Variants in ABTB3 observed in about 807,000 individuals in gnomAD.
ABTB3 encodes the protein ankyrin repeat and BTB domain containing 3, also known as ankyrin repeat- and BTB/POZ domain-containing protein 3.
At chr12:107,324,468 A>T in the ABTB3 span, among the ~76,000 whole-genome samples, 3 of 152,200 alleles carry the variant, frequency 2.0e-5, no homozygotes, top group South Asian at 2.1e-4. Context: ...AGCTCTACAA[A>T]AAATAAATAA....
the ABTB3 span, among the ~76,000 whole-genome samples, chr12:107,481,172 C>A: frequency 2.6e-5 from 4 of 152,248 alleles, no homozygotes; most frequent in South Asian, 6.2e-4. Flanking sequence ...AGAAACCCTG[C>A]TTTGGAGGAA....
At chr12:107,617,109 C>T in the ABTB3 span, 2 of 1,614,068 alleles carry the variant, frequency 1.2e-6, no homozygotes, top group East Asian at 2.2e-5. Context: ...ATGCTGGGGC[C>T]AAGGTGGAAG....
At chr12:107,343,173 C>T in the ABTB3 span, among the ~76,000 whole-genome samples, 1 of 152,194 alleles carries the variant, frequency 6.6e-6, no homozygotes, top group East Asian at 1.9e-4. Context: ...CACCACCACA[C>T]CTGGCTGTTT....
chr12:107,362,698 T>A, the ABTB3 span, among the ~76,000 whole-genome samples: 1 of 151,504 alleles, frequency 6.6e-6, no homozygotes, highest in Non-Finnish European at 1.5e-5. Context: ...GAGTCTGAGG[T>A]GGGAGGATTG....
At chr12:107,334,540 T>A in the ABTB3 span, among the ~76,000 whole-genome samples, 1 of 152,146 alleles carries the variant, frequency 6.6e-6, no homozygotes, top group Non-Finnish European at 1.5e-5. Flanking sequence ...GACTCCAGCT[T>A]GGGACATGCA....
the ABTB3 span, among the ~76,000 whole-genome samples, chr12:107,389,677 G>A: frequency 2.0e-5 from 3 of 151,906 alleles, no homozygotes; most frequent in Admixed American, 2.0e-4. Flanking sequence ...TGTTGACTGA[G>A]CTCAGCTGGA....
the ABTB3 span, among the ~76,000 whole-genome samples, chr12:107,571,518 G>A: frequency 6.6e-6 from 1 of 152,250 alleles, no homozygotes; most frequent in Non-Finnish European, 1.5e-5. Flanking sequence ...CCCTGACCAG[G>A]CCCGTCCCTG....
chr12:107,347,258 G>C, the ABTB3 span, among the ~76,000 whole-genome samples: 1 of 152,022 alleles, frequency 6.6e-6, no homozygotes, highest in Non-Finnish European at 1.5e-5. Context: ...CACTGTTCTA[G>C]GCTAGGAGAT....
the ABTB3 span, among the ~76,000 whole-genome samples, chr12:107,352,669 T>C: frequency 6.6e-6 from 1 of 152,194 alleles, no homozygotes; most frequent in South Asian, 2.1e-4. Flanking sequence ...GAGCTGGTGC[T>C]ATCCTTGATA....
the ABTB3 span, among the ~76,000 whole-genome samples, chr12:107,414,739 G>C: frequency 7.0e-6 from 1 of 143,692 alleles, no homozygotes; most frequent in Admixed American, 7.0e-5. Flanking sequence ...TTTTTTTGAG[G>C]CAGAGTCTCA....
At chr12:107,429,596 G>A in the ABTB3 span, among the ~76,000 whole-genome samples, 6 of 152,304 alleles carry the variant, frequency 3.9e-5, no homozygotes, top group South Asian at 1.2e-3. Flanking sequence ...GCTGATTCTT[G>A]AAAGTCTACT....
At chr12:107,529,302 A>C in the ABTB3 span, among the ~76,000 whole-genome samples, 1 of 149,406 alleles carries the variant, frequency 6.7e-6, no homozygotes, top group Non-Finnish European at 1.5e-5. Flanking sequence ...GGTGATGGTG[A>C]TGATGATGAT....
At chr12:107,498,440 C>G in the ABTB3 span, among the ~76,000 whole-genome samples, 10 of 152,216 alleles carry the variant, frequency 6.6e-5, no homozygotes, top group African/African-American at 2.4e-4. Context: ...CTAGAACTCA[C>G]TACTGCAAAC....
At chr12:107,399,854 C>A in the ABTB3 span, among the ~76,000 whole-genome samples, 1 of 152,114 alleles carries the variant, frequency 6.6e-6, no homozygotes, top group Non-Finnish European at 1.5e-5. Context: ...GACAGCCCGA[C>A]AGGCCCCAGT....
chr12:107,617,801 C>T, the ABTB3 span: 3 of 362,048 alleles, frequency 8.3e-6, no homozygotes, highest in Non-Finnish European at 1.5e-5. Context: ...ACATCTCCTT[C>T]TGAATTTCCC....
the ABTB3 span, among the ~76,000 whole-genome samples, chr12:107,412,052 G>A: frequency 1.3e-5 from 2 of 152,200 alleles, no homozygotes; most frequent in East Asian, 1.9e-4. Context: ...ATGAGCAACC[G>A]CAGTGCTGTT....
the ABTB3 span, among the ~76,000 whole-genome samples, chr12:107,387,269 T>G: frequency 2.6e-5 from 4 of 152,202 alleles, no homozygotes; most frequent in East Asian, 7.7e-4. Flanking sequence ...TGAGCCACTG[T>G]GCCTGGCCAA....
chr12:107,469,942 CTCTTTCTTTCTTTCTTTCTTTCTT>C, the ABTB3 span, among the ~76,000 whole-genome samples: 30 of 59,302 alleles, frequency 5.1e-4, 2 homozygotes, highest in African/African-American at 1.1e-3. Flanking sequence ...CTCTTTCTTT[CTCTTTCTTTCTTTCTTTCTTTCTT>C]TCTTTCTTTC....
the ABTB3 span, among the ~76,000 whole-genome samples, chr12:107,474,748 T>C: frequency 6.6e-6 from 1 of 152,156 alleles, no homozygotes; most frequent in Non-Finnish European, 1.5e-5. Context: ...TACCAACCTT[T>C]AGCACAGTGC....
Sources: gnomAD v4.1 joint callset for allele counts (sites outside exome capture counted in the v4.1 genomes callset) on GRCh38, gnomAD v4.1.1 for gene constraint, MANE v1.5 for transcripts, NCBI Gene and HGNC (gene_info 2026-07-23, HGNC 2026-07-21) for gene names.